The following SPINK1 variants were observed in gnomAD, a reference collection of about 807,000 sequenced individuals.
SPINK1 encodes the protein serine peptidase inhibitor Kazal type 1.
SPINK1 carries 5 observed loss-of-function variants against 9.5 expected under a neutral mutation model. That is an observed-to-expected ratio of 0.52 (90% confidence interval 0.27 to 1.10). The LOEUF is 1.10. SPINK1 is among the 50% of genes least tolerant of loss of function. The pLI, the probability that SPINK1 is intolerant of heterozygous loss-of-function variation, is 0.11. For missense variants in SPINK1, 88 were observed against 92.7 expected, an observed-to-expected ratio of 0.95 and a Z score of 0.21; for synonymous variants, 37 against 32.3, an observed-to-expected ratio of 1.14 and a Z score of -0.49.
At chr5:147,825,901 A>T (rs754367497) in intron 3 of SPINK1, among the ~76,000 whole-genome samples, 15 of 152,214 alleles carry the variant, frequency 9.9e-5, no homozygotes, top group Non-Finnish European at 1.9e-4. Flanking sequence ...CACTATCCAC[A>T]TATAGCTATG....
intron 2 of SPINK1, among the ~76,000 whole-genome samples, 160 bp from the exon 3 acceptor site, chr5:147,828,288 C>A (rs1756448103): frequency 6.6e-6 from 1 of 152,116 alleles, no homozygotes; most frequent in African/African-American, 2.4e-5. Context: ...AGACAGAAAA[C>A]CTTGTTTTAA....
At chr5:147,837,820 G>A in the SPINK1 span, among the ~76,000 whole-genome samples, 1 of 151,952 alleles carries the variant, frequency 6.6e-6, no homozygotes, top group African/African-American at 2.4e-5. Flanking sequence ...TCCTGCCTCA[G>A]CCTCCTGAGT....
chr5:147,836,290 A>G (rs1362699395), upstream of SPINK1, among the ~76,000 whole-genome samples: 1 of 129,606 alleles, frequency 7.7e-6, no homozygotes, highest in Admixed American at 7.7e-5. Context: ...TATGGTATTT[A>G]CTGATTTGTG....
intron 3 of SPINK1, chr5:147,827,687 C>G (rs910631337): frequency 5.0e-5 from 10 of 198,174 alleles, no homozygotes; most frequent in Non-Finnish European, 9.2e-5. Context: ...GTTATATAAT[C>G]TATACAATTT....
the SPINK1 span, among the ~76,000 whole-genome samples, chr5:147,837,159 T>C: frequency 6.6e-6 from 1 of 152,154 alleles, no homozygotes; most frequent in African/African-American, 2.4e-5. Context: ...TTTGAAAAGT[T>C]ATATGTGCAG....
At chr5:147,834,481 ATAGATG>A (rs2127141644), upstream of SPINK1, among the ~76,000 whole-genome samples, 1 of 152,258 alleles carries the variant, frequency 6.6e-6, no homozygotes, top group Admixed American at 6.5e-5. Context: ...CTTAGCATTG[ATAGATG>A]TTGGTTGGAT....
chr5:147,838,832 C>T, the SPINK1 span, among the ~76,000 whole-genome samples: 1,498 of 152,168 alleles, frequency 9.8e-3, 31 homozygotes, highest in African/African-American at 0.035. Context: ...TCTTCCATCA[C>T]TCTAGGCCTA....
upstream of SPINK1, among the ~76,000 whole-genome samples, chr5:147,836,330 GT>G: frequency 6.9e-6 from 1 of 144,812 alleles, no homozygotes; most frequent in East Asian, 2.1e-4. Flanking sequence ...GTGTGTGTGT[GT>G]ACAAACTTAA....
At chr5:147,832,049 T>G (rs992758236), upstream of SPINK1, among the ~76,000 whole-genome samples, 1 of 152,196 alleles carries the variant, frequency 6.6e-6, no homozygotes, top group African/African-American at 2.4e-5. Flanking sequence ...CCTCCACTCT[T>G]CCTTTCTTAT....
intron 3 of SPINK1, 80 bp from the exon 4 acceptor site, chr5:147,824,786 A>C: frequency 7.9e-7 from 1 of 1,259,988 alleles, no homozygotes; most frequent in Admixed American, 1.8e-5. Context: ...ACAGGGGGAA[A>C]AATAACAGCT....
chr5:147,825,214 CCT>C (rs1756378951), intron 3 of SPINK1, among the ~76,000 whole-genome samples: 1 of 152,124 alleles, frequency 6.6e-6, no homozygotes, highest in Non-Finnish European at 1.5e-5. Flanking sequence ...CCAGATAAAA[CCT>C]CTCTGTTCGC....
In SPINK1 at chr5:147,831,622, C is replaced by A; in HGVS notation, c.-45G>T. ...GAGGTCAGTTGAAAACTGCACCGCACTTACCACGTCTCTTCAGAAGCCTGG... is the reference window on the plus strand; with the variant it reads ...GAGGTCAGTTGAAAACTGCACCGCAATTACCACGTCTCTTCAGAAGCCTGG... On this transcript the variant is annotated 5_prime_UTR_variant, in exon 1 of 4. Coordinates refer to ENST00000296695, the MANE Select transcript of SPINK1 (RefSeq NM_001379610.1). 1 of 1,610,246 alleles carries A rather than the reference C, an allele frequency of 6.2e-7. No individual in the cohort carries two copies. Among genetic ancestry groups the A allele is most frequent in the Non-Finnish European group, 8.5e-7 (1 of 1,178,612 alleles).
chr5:147,827,086 T>G (rs1469184227), intron 3 of SPINK1: 2 of 150,984 alleles, frequency 1.3e-5, no homozygotes, highest in Non-Finnish European at 1.5e-5. Flanking sequence ...TTTTTTTTCC[T>G]TTTTTTTAAG....
chr5:147,837,678 T>TTTCTTTCC, the SPINK1 span, among the ~76,000 whole-genome samples: 1 of 145,388 alleles, frequency 6.9e-6, no homozygotes, highest in Non-Finnish European at 1.5e-5. Context: ...TCTTTCTTTC[T>TTTCTTTCC]TTCTTTCTTT....
upstream of SPINK1, among the ~76,000 whole-genome samples, chr5:147,833,442 G>T (rs1051908556): frequency 1.3e-5 from 2 of 152,108 alleles, no homozygotes; most frequent in East Asian, 3.9e-4. Flanking sequence ...CAATATTTTT[G>T]TCTCTATTCT....
At chr5:147,837,623 T>C in the SPINK1 span, among the ~76,000 whole-genome samples, 1 of 151,636 alleles carries the variant, frequency 6.6e-6, no homozygotes, top group Non-Finnish European at 1.5e-5. Context: ...ATAGGAAATT[T>C]CTGAAACTGC....
At chr5:147,837,113 G>T in the SPINK1 span, among the ~76,000 whole-genome samples, 1 of 152,070 alleles carries the variant, frequency 6.6e-6, no homozygotes, top group Non-Finnish European at 1.5e-5. Flanking sequence ...CCCTCAGGCT[G>T]GATGGGTTTT....
At chr5:147,838,277 G>GAAT in the SPINK1 span, among the ~76,000 whole-genome samples, 1 of 152,150 alleles carries the variant, frequency 6.6e-6, no homozygotes, top group Non-Finnish European at 1.5e-5. Flanking sequence ...AATCAAAGAA[G>GAAT]AATTCTGTAG....
chr5:147,826,470 C>T (rs1034180401), intron 3 of SPINK1, among the ~76,000 whole-genome samples: 42 of 152,230 alleles, frequency 2.8e-4, no homozygotes, highest in African/African-American at 7.7e-4. Flanking sequence ...AGCAGAAACT[C>T]GGAGGTTTCA....
Sources: gnomAD v4.1 joint callset for allele counts (sites outside exome capture counted in the v4.1 genomes callset) on GRCh38, gnomAD v4.1.1 for gene constraint, MANE v1.5 for transcripts, NCBI Gene and HGNC (gene_info 2026-07-23, HGNC 2026-07-21) for gene names.